Variants in POMT2 observed in about 807,000 individuals in gnomAD.
POMT2 encodes the protein protein O-mannosyl-transferase 2.
In POMT2, 75 loss-of-function variants were observed where a neutral mutation model predicts 100.0. The observed-to-expected ratio is 0.75, with a 90% CI of 0.62 to 0.91. The LOEUF (loss-of-function observed/expected upper bound fraction) is 0.91, where lower values mean the gene tolerates loss of function less well. Among genes scored for constraint, POMT2 ranks in the 40% least tolerant of loss-of-function variants. The pLI is 0.00. For synonymous variants in POMT2, 378 were observed against 374.1 expected, an observed-to-expected ratio of 1.01 and a Z score of -0.12; for missense variants, 940 against 955.1, an observed-to-expected ratio of 0.98 and a Z score of 0.21.
At chr14:77,316,826 G>A (rs755913466) in intron 1 of POMT2, among the ~76,000 whole-genome samples, 11 of 152,210 alleles carry the variant, frequency 7.2e-5, no homozygotes, top group Admixed American at 1.3e-4. Context: ...TGATAACTCT[G>A]GATGGCTGAT....
Position 77,302,835 on chromosome 14 carries a change from C to G in POMT2, c.656G>C (p.Arg219Thr), listed in dbSNP as rs1261847658. ...SMVKYNSCAD[R>T]PFSAPWWFWL... ...CCCTCCCGGGGATGGAGTTTCTGAC[C>G]TGTCGGCGCAAGAGTTGTACTTGAC... is the stretch of plus-strand genomic sequence containing the variant. Residue 219 changes from arginine to threonine, a missense_variant and splice_region_variant, in exon 5 of 21, where the codon AGG becomes ACG. Arg to Thr is a moderately conservative substitution (Grantham distance 71, BLOSUM62 -1). Coordinates refer to ENST00000261534, the MANE Select transcript of POMT2 (RefSeq NM_013382.7). 1 of 1,609,084 alleles carries G rather than the reference C, an allele frequency of 6.2e-7. No individual in the cohort carries two copies. The highest frequency in any genetic ancestry group is 8.5e-7 in the Non-Finnish European group (1 of 1,175,758).
chr14:77,318,948 T>C (rs969567621), intron 1 of POMT2, among the ~76,000 whole-genome samples: 35 of 152,186 alleles, frequency 2.3e-4, no homozygotes, highest in Non-Finnish European at 7.4e-5. Context: ...GTTGGCCAGG[T>C]TGGTCTCGAA....
intron 10 of POMT2, among the ~76,000 whole-genome samples, chr14:77,290,401 A>T (rs1397817764): frequency 6.6e-6 from 1 of 152,254 alleles, no homozygotes; most frequent in African/African-American, 2.4e-5. Context: ...AGCAGGATGT[A>T]GAAAGTGGTT....
intron 16 of POMT2, 60 bp downstream of exon 16, chr14:77,280,332 G>A (rs991549350): frequency 2.9e-5 from 47 of 1,611,364 alleles, no homozygotes; most frequent in Non-Finnish European, 4.0e-5. Context: ...GCCTCCACCG[G>A]TCTCCCTGCT....
intron 14 of POMT2, among the ~76,000 whole-genome samples, chr14:77,284,564 T>C (rs115151376): frequency 7.8e-4 from 118 of 152,000 alleles, no homozygotes; most frequent in African/African-American, 2.7e-3. Flanking sequence ...AGTCACTTTC[T>C]ATAAAAGCAT....
rs1175561151 is a variant in POMT2 at position 77,279,658 on chromosome 14, A to G, written c.1891+165T>C. 3 of 737,692 alleles carry G rather than the reference A, an allele frequency of 4.1e-6. No individual in the cohort carries two copies. Among genetic ancestry groups the G allele is most frequent in the Admixed American group, 4.0e-5 (2 of 49,898 alleles). 45.7% of individuals were successfully genotyped at this position (737,692 alleles called of 1,614,324 possible). ...TGGGAGGAAGTAAAGTGTTTAACAC[A>G]GCACTGGGTACTTGGGGGTTGTTAC... On this transcript the variant is annotated intron_variant, in intron 18 of 20. Coordinates refer to ENST00000261534, the MANE Select transcript of POMT2 (RefSeq NM_013382.7).
chr14:77,282,792 AT>A (rs751747388), intron 15 of POMT2, among the ~76,000 whole-genome samples: 1 of 152,236 alleles, frequency 6.6e-6, no homozygotes, highest in Non-Finnish European at 1.5e-5. Flanking sequence ...TACTGCTTAC[AT>A]AATCACTTCC....
chr14:77,299,075 C>A (rs924123439), intron 7 of POMT2, among the ~76,000 whole-genome samples: 1 of 152,212 alleles, frequency 6.6e-6, no homozygotes, highest in Admixed American at 6.5e-5. Context: ...GTACAAAATG[C>A]GGAACACAGT....
Position 77,301,165 on chromosome 14 carries a change from G to C in POMT2, c.741C>G (p.Leu247=), listed in dbSNP as rs1891023439. Residue 247 remains leucine (L), a synonymous_variant, in exon 6 of 21, where the codon CTC becomes CTG. Coordinates refer to ENST00000261534, the MANE Select transcript of POMT2 (RefSeq NM_013382.7). ...TCAGCCCCACTTGAAGGATGATAAA[G>C]AGGCCAACAAACTTGACCCCTAAAG... The part of the protein sequence containing the change: ...AGALGVKFVG[L]FIILQVGLNT... 5.0e-6 allele frequency: 8 copies of C among 1,614,124 alleles called. No homozygotes were observed. Among genetic ancestry groups the C allele is most frequent in the Non-Finnish European group, 6.8e-6 (8 of 1,180,044 alleles).
intron 2 of POMT2, chr14:77,306,745 T>G (rs1318671173): frequency 2.8e-6 from 1 of 358,280 alleles, no homozygotes; most frequent in Non-Finnish European, 5.4e-6. Context: ...AGTAAGGGGC[T>G]CTCTGATTCC....
Position 77,280,499 on chromosome 14 carries a change from G to C in POMT2, c.1654-36C>G, listed in dbSNP as rs377577038. On this transcript the variant is annotated intron_variant, in intron 15 of 20. Coordinates refer to ENST00000261534, the MANE Select transcript of POMT2 (RefSeq NM_013382.7). ...GTAGCAAAGAAAGCTAGTCAAGACA[G>C]AGATCTAGAGGGCTGACAGAAATGT... 4 of 1,613,834 alleles carry C rather than the reference G, an allele frequency of 2.5e-6. No individual in the cohort carries two copies. In the African/African-American group the frequency reaches 5.3e-5, roughly 22 times the overall value.
At chr14:77,309,826 A>G (rs534049378) in intron 2 of POMT2, among the ~76,000 whole-genome samples, 4 of 152,140 alleles carry the variant, frequency 2.6e-5, no homozygotes, top group South Asian at 2.1e-4. Context: ...GAGACTACAG[A>G]CGTGTGCCAC....
intron 20 of POMT2, 34 bp from the exon 21 acceptor site, chr14:77,277,515 C>A (rs760654687): frequency 1.4e-6 from 2 of 1,479,060 alleles, no homozygotes; most frequent in Admixed American, 1.7e-5. Flanking sequence ...GCAGTTGGCA[C>A]CCCCAGTGCC....
At chr14:77,287,031 A>T (rs931031610) in intron 11 of POMT2, 36 of 1,022,028 alleles carry the variant, frequency 3.5e-5, no homozygotes, top group Non-Finnish European at 4.8e-5. Flanking sequence ...ACCAGGAGAG[A>T]CAGATGGTAG....
chr14:77,295,790 A>AT (rs1890807848), intron 9 of POMT2, among the ~76,000 whole-genome samples: 1 of 152,084 alleles, frequency 6.6e-6, no homozygotes, highest in Non-Finnish European at 1.5e-5. Flanking sequence ...CACCCATCCC[A>AT]TAGCAGGCAC....
chr14:77,311,727 C>T (rs1594804567), intron 2 of POMT2, among the ~76,000 whole-genome samples: 2 of 152,138 alleles, frequency 1.3e-5, no homozygotes, highest in South Asian at 4.1e-4. Context: ...CTTTGTTCAT[C>T]CCTCCCTCAG....
chr14:77,301,206 C>T lies in POMT2; in HGVS notation c.700G>A (p.Val234Ile), dbSNP rs576822260. ...ACCCCTAAAGCACCAGCAAGACTAA[C>T]GCCAGTCAGGCTGAGCCAGAACCAC... ...PWWFWLSLTGVSLAGALGVKF... is the reference protein window; with the variant it reads ...PWWFWLSLTGISLAGALGVKF... The change falls in exon 6 of 21, where the codon GTT becomes ATT. Residue 234 changes from valine (V) to isoleucine (I), a missense_variant. Val to Ile is a conservative substitution (Grantham distance 29). Transcript: ENST00000261534. 64 of 1,614,080 alleles carry T rather than the reference C, an allele frequency of 4.0e-5. No individual in the cohort carries two copies. The highest frequency in any genetic ancestry group is 5.0e-5 in the Non-Finnish European group (59 of 1,180,042).
chr14:77,320,456 A>C lies in POMT2; in HGVS notation c.226T>G (p.Leu76Val). 6.5e-7 allele frequency: 1 copy of C among 1,546,008 alleles called. No individual in the cohort carries two copies. Residue 76 changes from leucine to valine, a missense_variant, in exon 1 of 21, where the codon TTG (leucine) becomes GTG (valine). Coordinates refer to ENST00000261534, the MANE Select transcript of POMT2 (RefSeq NM_013382.7). The part of the protein sequence containing the change: ...LLSFATRFHR[L>V]DEPPHICWDE... ...CACCAGATGTGCGGCGGCTCGTCCA[A>C]GCGGTGGAAGCGGGTGGCGAAGGAC...
chr14:77,296,353 C>T (rs1036810273), intron 8 of POMT2, 80 bp from the exon 9 acceptor site: 1 of 942,298 alleles, frequency 1.1e-6, no homozygotes, highest in Non-Finnish European at 1.7e-6. Flanking sequence ...CCTCGGAAGC[C>T]ACAGGGCTCA....
Sources: gnomAD v4.1 joint callset for allele counts (sites outside exome capture counted in the v4.1 genomes callset) on GRCh38, gnomAD v4.1.1 for gene constraint, MANE v1.5 for transcripts, NCBI Gene and HGNC (gene_info 2026-07-23, HGNC 2026-07-21) for gene names.